Variants in IRAK2 observed in about 807,000 individuals in gnomAD.
IRAK2 encodes the protein interleukin 1 receptor associated kinase 2.
IRAK2 carries 57 observed loss-of-function variants against 72.0 expected under a neutral mutation model. The ratio of observed to expected loss-of-function variants is 0.79; its 90% CI spans 0.64 to 0.99. The LOEUF is 0.99. Among genes scored for constraint, IRAK2 ranks in the 50% least tolerant of loss-of-function variants. The pLI is 0.00. For missense variants in IRAK2, 790 were observed against 794.4 expected, an observed-to-expected ratio of 0.99 and a Z score of 0.07; for synonymous variants, 293 against 312.7, an observed-to-expected ratio of 0.94 and a Z score of 0.67.
intron 1 of IRAK2, among the ~76,000 whole-genome samples, chr3:10,170,002 C>T (rs1264136025): frequency 6.6e-6 from 1 of 152,120 alleles, no homozygotes; most frequent in African/African-American, 2.4e-5. Context: ...GTTCGGGGCC[C>T]CTGACTTCCC....
chr3:10,226,248 G>A, intron 9 of IRAK2, 123 bp from the exon 10 acceptor site: 2 of 662,652 alleles, frequency 3.0e-6, no homozygotes, highest in Admixed American at 5.6e-5. Context: ...TTGGGCAGGT[G>A]TGTCTGCTGG....
chr3:10,188,801 C>T (rs11465869), intron 2 of IRAK2, among the ~76,000 whole-genome samples: 2,384 of 152,274 alleles, frequency 0.016, 60 homozygotes, highest in African/African-American at 0.054. Flanking sequence ...GCTGGGATTA[C>T]GGGTGTGAAC....
In IRAK2 at chr3:10,213,337, C is replaced by T; in HGVS notation, c.659C>T (p.Thr220Ile). The change falls in exon 5 of 13, where the codon ACC becomes ATC. Residue 220 changes from threonine to isoleucine, a missense_variant. Thr to Ile is a moderately conservative substitution (Grantham distance 89, BLOSUM62 -1). Coordinates refer to ENST00000256458, the MANE Select transcript of IRAK2 (RefSeq NM_001570.4). ...CAAAACCGCAAAATCAGCCAGGGGACCTTTGCTGACGTCTACAGAGGGCAC... is the reference window on the plus strand; with the variant it reads ...CAAAACCGCAAAATCAGCCAGGGGATCTTTGCTGACGTCTACAGAGGGCAC... ...FNQNRKISQG[T>I]FADVYRGHRH... 1 of 1,614,056 alleles carries T rather than the reference C, an allele frequency of 6.2e-7. No homozygotes were observed. Among genetic ancestry groups the T allele is most frequent in the Non-Finnish European group, 8.5e-7 (1 of 1,180,014 alleles).
At chr3:10,211,676 G>C (rs1184110718) in intron 4 of IRAK2, among the ~76,000 whole-genome samples, 1 of 152,026 alleles carries the variant, frequency 6.6e-6, no homozygotes, top group Non-Finnish European at 1.5e-5. Context: ...ATAAATCCTA[G>C]TATATCTAAT....
At chr3:10,206,357 G>A (rs1404652655) in intron 3 of IRAK2, among the ~76,000 whole-genome samples, 1 of 152,182 alleles carries the variant, frequency 6.6e-6, no homozygotes, top group African/African-American at 2.4e-5. Flanking sequence ...CAGGCTCCCA[G>A]CAGCTGGGGG....
At chr3:10,171,858 TG>T (rs772056021) in intron 1 of IRAK2, among the ~76,000 whole-genome samples, 56 of 149,604 alleles carry the variant, frequency 3.7e-4, no homozygotes, top group Non-Finnish European at 5.9e-4. Flanking sequence ...CTCGGCCTCC[TG>T]GGTTCAAGTG....
intron 8 of IRAK2, among the ~76,000 whole-genome samples, chr3:10,221,183 G>T (rs1335835891): frequency 6.8e-6 from 1 of 146,886 alleles, no homozygotes; most frequent in Non-Finnish European, 1.5e-5. Context: ...ACGAGGTCAA[G>T]AGATCGAGAC....
intron 10 of IRAK2, 133 bp from the exon 11 acceptor site, chr3:10,234,326 C>T (rs1697914468): frequency 2.9e-6 from 2 of 685,902 alleles, no homozygotes; most frequent in Non-Finnish European, 5.2e-6. Flanking sequence ...TTCTGGAATC[C>T]TTGCATTTAT....
chr3:10,187,244 C>G (rs190486701), intron 2 of IRAK2, among the ~76,000 whole-genome samples: 2 of 147,826 alleles, frequency 1.4e-5, no homozygotes, highest in Admixed American at 1.3e-4. Context: ...CTCCCGATGC[C>G]CCATTTTGTA....
intron 7 of IRAK2, 48 bp from the exon 8 acceptor site, chr3:10,219,632 A>G: frequency 6.9e-7 from 1 of 1,456,694 alleles, no homozygotes; most frequent in Non-Finnish European, 9.6e-7. Context: ...TCAGGACTTT[A>G]AAAAGGTACA....
At chr3:10,167,486 C>T (rs1287898171) in intron 1 of IRAK2, among the ~76,000 whole-genome samples, 1 of 151,842 alleles carries the variant, frequency 6.6e-6, no homozygotes, top group Non-Finnish European at 1.5e-5. Context: ...GCAATCTCGG[C>T]TCACTGCAAG....
intron 2 of IRAK2, among the ~76,000 whole-genome samples, chr3:10,199,004 GA>G (rs1474824838): frequency 6.6e-6 from 1 of 152,130 alleles, no homozygotes; most frequent in Non-Finnish European, 1.5e-5. Flanking sequence ...TGGGGAGACA[GA>G]AAGATTCAGG....
At chr3:10,238,164 G>A (rs549482581) in intron 11 of IRAK2, among the ~76,000 whole-genome samples, 3 of 152,196 alleles carry the variant, frequency 2.0e-5, no homozygotes, top group African/African-American at 4.8e-5. Flanking sequence ...GTGAATTAGC[G>A]AATGAATGAA....
At chr3:10,214,135 G>T (rs987116120) in intron 6 of IRAK2, among the ~76,000 whole-genome samples, 1 of 151,888 alleles carries the variant, frequency 6.6e-6, no homozygotes, top group Admixed American at 6.6e-5. Flanking sequence ...TGACATGTTG[G>T]CCAGGATGGT....
At chr3:10,175,159 T>C (rs1456498810) in intron 1 of IRAK2, among the ~76,000 whole-genome samples, 4 of 152,182 alleles carry the variant, frequency 2.6e-5, no homozygotes, top group Non-Finnish European at 4.4e-5. Flanking sequence ...ACTCAGTCTC[T>C]GTCGCTCAGG....
chr3:10,168,086 T>C (rs899874402), intron 1 of IRAK2, among the ~76,000 whole-genome samples: 1 of 151,128 alleles, frequency 6.6e-6, no homozygotes, highest in African/African-American at 2.4e-5. Context: ...TGTGAGCCAC[T>C]GCATCTGGCT....
intron 1 of IRAK2, among the ~76,000 whole-genome samples, chr3:10,167,649 G>A (rs150297131): frequency 3.3e-5 from 5 of 152,106 alleles, no homozygotes; most frequent in East Asian, 1.9e-4. Flanking sequence ...TCTCCTGACC[G>A]TGTAATCCAC....
At chr3:10,223,373 T>C (rs1642736) in intron 9 of IRAK2, among the ~76,000 whole-genome samples, 54,554 of 151,568 alleles carry the variant, frequency 0.36, 11,938 homozygotes, top group East Asian at 0.86. Context: ...TCTGCCATTA[T>C]GTCGTGCCAG....
At chr3:10,182,501 TC>T (rs1559440454) in intron 2 of IRAK2, among the ~76,000 whole-genome samples, 1 of 151,208 alleles carries the variant, frequency 6.6e-6, no homozygotes, top group African/African-American at 2.4e-5. Context: ...CAGGATGGTC[TC>T]GATCTCCTGA....
Sources: allele counts gnomAD v4.1 joint callset (sites outside exome capture counted in the v4.1 genomes callset), GRCh38; gene constraint gnomAD v4.1.1; transcripts MANE v1.5; gene names NCBI Gene and HGNC (gene_info 2026-07-23, HGNC 2026-07-21).